The following TRIM4 variants were observed in gnomAD, a reference collection of about 807,000 sequenced individuals.
TRIM4 encodes tripartite motif containing 4, also known as E3 ubiquitin-protein ligase TRIM4.
TRIM4 carries 29 observed loss-of-function variants against 33.7 expected under a neutral mutation model. The observed-to-expected ratio is 0.86, with a 90% CI of 0.64 to 1.17. The LOEUF is 1.17. TRIM4 is among the 50% of genes most tolerant of loss of function. The probability of loss-of-function intolerance (pLI) is 0.00; values close to 1 mark genes in which losing one functional copy is unlikely to be tolerated. For missense variants in TRIM4, 554 were observed against 593.7 expected (o/e 0.93, Z 0.69); for synonymous variants, 224 against 233.0 (o/e 0.96, Z 0.35).
chr7:99,907,389 C>T (rs1819332836), intron 3 of TRIM4, among the ~76,000 whole-genome samples: 1 of 152,186 alleles, frequency 6.6e-6, no homozygotes, highest in Admixed American at 6.5e-5. Context: ...GGATTACAGG[C>T]GTGAGCCACT....
chr7:99,919,405 G>T lies in TRIM4; in HGVS notation c.-4C>A. ...CCTGGATGTCCTCAGCTTCCATGCT[G>T]CTTCCCTGCCGCGGAGACGGAGTCC... is the stretch of plus-strand genomic sequence containing the variant. On this transcript the variant is annotated 5_prime_UTR_variant, in exon 1 of 6. Coordinates refer to ENST00000349062, the MANE Select transcript of TRIM4 (RefSeq NM_033091.3). 1 of 1,536,898 alleles carries T rather than the reference G, an allele frequency of 6.5e-7. No homozygotes were observed. The highest frequency in any genetic ancestry group is 8.7e-7 in the Non-Finnish European group (1 of 1,144,284).
chr7:99,908,840 CT>C, intron 2 of TRIM4, 28 bp from the exon 3 acceptor site: 1 of 1,591,438 alleles, frequency 6.3e-7, no homozygotes, highest in Non-Finnish European at 8.6e-7. Context: ...TTGCTCACTC[CT>C]TTTTCTGCCT....
intron 1 of TRIM4, among the ~76,000 whole-genome samples, chr7:99,915,013 T>G (rs1218011390): frequency 1.3e-5 from 2 of 152,270 alleles, no homozygotes; most frequent in South Asian, 4.1e-4. Context: ...TTTCACCATG[T>G]TGGCCAGGCT....
chr7:99,909,130 G>T (rs1447787414), intron 2 of TRIM4, among the ~76,000 whole-genome samples: 1 of 139,610 alleles, frequency 7.2e-6, no homozygotes, highest in African/African-American at 2.8e-5. Context: ...TTAGGAGTGT[G>T]AGGGTGTGTG....
In TRIM4 at chr7:99,892,226, C is replaced by T. The variant is rs1287239497; in HGVS notation, c.1362G>A (p.Arg454=). The part of the protein sequence containing the change: ...TFSCSSVSRL[R]PFFWLSPLAS... ...CTAATGGACTCAACCAAAAAAATGG[C>T]CGGAGGCGTGAGACAGAAGAACAAG... The change falls in exon 6 of 6, where the codon CGG becomes CGA. Residue 454 remains arginine (R), a synonymous_variant. Transcript: ENST00000349062. 6.2e-7 allele frequency: 1 copy of T among 1,614,002 alleles called. No homozygotes were observed. Among genetic ancestry groups the T allele is most frequent in the Non-Finnish European group, 8.5e-7 (1 of 1,179,994 alleles).
At chr7:99,914,276 GC>G (rs1389766212) in intron 1 of TRIM4, among the ~76,000 whole-genome samples, 1 of 152,110 alleles carries the variant, frequency 6.6e-6, no homozygotes, top group Non-Finnish European at 1.5e-5. Context: ...TCTAGTCTCG[GC>G]CTCCCGAATA....
At chr7:99,915,598 A>G (rs2151653475) in intron 1 of TRIM4, among the ~76,000 whole-genome samples, 1 of 152,330 alleles carries the variant, frequency 6.6e-6, no homozygotes, top group East Asian at 1.9e-4. Flanking sequence ...GAAATAAAGC[A>G]GCTTCACCCA....
chr7:99,899,604 C>G (rs567875757), intron 5 of TRIM4, among the ~76,000 whole-genome samples: 1 of 152,312 alleles, frequency 6.6e-6, no homozygotes, highest in Admixed American at 6.5e-5. Flanking sequence ...TCTCTCCTCT[C>G]CCAATCTTCA....
chr7:99,893,739 A>G (rs998251929), intron 5 of TRIM4, among the ~76,000 whole-genome samples: 4 of 152,054 alleles, frequency 2.6e-5, no homozygotes, highest in African/African-American at 9.7e-5. Context: ...TTTGTCACTC[A>G]GGTTCTTTTC....
intron 5 of TRIM4, chr7:99,901,819 C>A (rs1268651315): frequency 4.9e-6 from 2 of 409,394 alleles, no homozygotes; most frequent in Non-Finnish European, 8.7e-6. Flanking sequence ...ATGTGCTGAT[C>A]AGAACTCTGC....
chr7:99,892,772 G>A, intron 5 of TRIM4, 26 bp from the exon 6 acceptor site: 1 of 1,568,028 alleles, frequency 6.4e-7, no homozygotes, highest in South Asian at 1.2e-5. Context: ...GAGCTAAGTA[G>A]TGCAGCAGCT....
intron 1 of TRIM4, chr7:99,916,777 T>A: frequency 1.3e-6 from 1 of 781,008 alleles, no homozygotes; most frequent in South Asian, 1.3e-5. Context: ...CAAAGTTACC[T>A]GTCTAAAACA....
chr7:99,904,724 C>T (rs1246936312), intron 3 of TRIM4, among the ~76,000 whole-genome samples: 1 of 152,122 alleles, frequency 6.6e-6, no homozygotes, highest in Non-Finnish European at 1.5e-5. Flanking sequence ...CTCAATCTCA[C>T]TAGTTATCAG....
chr7:99,902,788 C>T (rs2151645733), intron 5 of TRIM4, among the ~76,000 whole-genome samples: 1 of 150,884 alleles, frequency 6.6e-6, no homozygotes. Context: ...CTGCTTGAAA[C>T]AGTCATCCCT....
At chr7:99,914,590 C>T (rs543217701) in intron 1 of TRIM4, among the ~76,000 whole-genome samples, 8 of 152,296 alleles carry the variant, frequency 5.3e-5, no homozygotes, top group East Asian at 1.9e-4. Context: ...GCCTACATCT[C>T]GTTTCACATC....
intron 4 of TRIM4, 93 bp from the exon 5 acceptor site, chr7:99,903,408 G>T: frequency 7.4e-7 from 1 of 1,349,086 alleles, no homozygotes; most frequent in Non-Finnish European, 1.0e-6. Context: ...AGTTCAGATG[G>T]CTTCTGTTCC....
At chr7:99,914,814 C>CT (rs921233820) in intron 1 of TRIM4, among the ~76,000 whole-genome samples, 12 of 149,072 alleles carry the variant, frequency 8.0e-5, no homozygotes, top group Admixed American at 2.0e-4. Flanking sequence ...TTCTTTTTTT[C>CT]TTTTTTTTTT....
intron 5 of TRIM4, among the ~76,000 whole-genome samples, chr7:99,894,658 C>A (rs548507863): frequency 6.7e-6 from 1 of 150,024 alleles, no homozygotes; most frequent in African/African-American, 2.5e-5. Context: ...CAGACCAAGA[C>A]TCCATCCCCC....
chr7:99,898,554 G>A (rs2897031), intron 5 of TRIM4, among the ~76,000 whole-genome samples: 7,604 of 152,246 alleles, frequency 0.05, 266 homozygotes, highest in Middle Eastern at 0.071. Flanking sequence ...TTCACCTGCC[G>A]GACACATTCT....
Sources: gnomAD v4.1 joint callset for allele counts (sites outside exome capture counted in the v4.1 genomes callset) on GRCh38, gnomAD v4.1.1 for gene constraint, MANE v1.5 for transcripts, NCBI Gene and HGNC (gene_info 2026-07-23, HGNC 2026-07-21) for gene names.